CCAR2: variants seen among roughly 807,000 people sequenced by gnomAD.
The protein encoded by CCAR2 is cell cycle and apoptosis regulator 2.
A neutral mutation model predicts 108.1 loss-of-function variants in CCAR2; 21 were observed. The observed-to-expected ratio is 0.19, with a 90% CI of 0.14 to 0.28. The LOEUF (loss-of-function observed/expected upper bound fraction) is 0.28, where lower values mean the gene tolerates loss of function less well. Ranked by LOEUF, CCAR2 falls within the 10% of genes least tolerant of loss-of-function variation. CCAR2 has a pLI of 1.00. For missense variants in CCAR2, 1,126 were observed against 1,177.0 expected, an observed-to-expected ratio of 0.96 and a Z score of 0.63; for synonymous variants, 577 against 472.8, an observed-to-expected ratio of 1.22 and a Z score of -2.86.
At chr8:22,610,964 G>A (rs553365162) in intron 7 of CCAR2, among the ~76,000 whole-genome samples, 12 of 152,136 alleles carry the variant, frequency 7.9e-5, no homozygotes, top group Middle Eastern at 3.4e-3. Flanking sequence ...CACTTATAAC[G>A]TAGTTATAGT....
At chr8:22,605,609 C>G (rs1447518638) in intron 1 of CCAR2, 127 bp from the exon 2 acceptor site, 8 of 631,216 alleles carry the variant, frequency 1.3e-5, no homozygotes, top group Non-Finnish European at 2.0e-5. Context: ...CCATCCATTG[C>G]TTTCATTCAT....
rs114548765 is a variant in CCAR2, at chr8:22,605,603, C to T, written c.-38-133C>T. The T allele has an allele frequency of 7.5e-4, 467 of 621,838 alleles. 1 individual carries two copies. The African/African-American group carries it at 7.7e-3, about 10-fold the overall frequency. 38.5% of individuals were successfully genotyped at this position (621,838 alleles called of 1,614,324 possible). A position where few individuals can be genotyped will look rare whatever the true frequency, so the allele number is the denominator to read the frequency against. On this transcript the variant is annotated intron_variant, in intron 1 of 20. Transcript: ENST00000308511. ...TCTTTCTTCTCTATATTCTCTCCAT[C>T]CATTGCTTTCATTCATTCTTATTAC...
chr8:22,607,948 C>G lies in CCAR2; in HGVS notation c.488-21C>G, dbSNP rs746451042. 1.9e-6 allele frequency: 3 copies of G among 1,610,400 alleles called. No individual in the cohort carries two copies. In the East Asian group the frequency reaches 6.7e-5, roughly 36 times the overall value. ...GCCGGTTTTTAGGGTTTTTGAGTCA[C>G]CAGTCATTTCCTTTCTGCAGCTCTG... On this transcript the variant is annotated intron_variant, in intron 6 of 20. Coordinates refer to ENST00000308511, the MANE Select transcript of CCAR2 (RefSeq NM_001393997.1).
rs773636732 is a variant in CCAR2 at position 22,606,188 on chromosome 8, A to C, written c.150+12A>C. 8.1e-6 allele frequency: 13 copies of C among 1,603,056 alleles called. No homozygotes were observed. Among genetic ancestry groups the C allele is most frequent in the African/African-American group, 4.0e-5 (3 of 74,574 alleles). On this transcript the variant is annotated intron_variant, in intron 3 of 20. Transcript: ENST00000308511. ...CCAGGCACCTTCAGGTAGGTTCGGC[A>C]TCCCTTGTAGTAAGTTTCAGCCCTT...
At chr8:22,616,539 C>T (rs994398243) in intron 14 of CCAR2, 18 of 442,668 alleles carry the variant, frequency 4.1e-5, no homozygotes, top group Admixed American at 1.5e-4. Flanking sequence ...TTTTGTAGGC[C>T]GGGCGCTGTA....
chr8:22,613,253 G>A lies in CCAR2; in HGVS notation c.704+117G>A, dbSNP rs1240738562. ...TTCTTACAGCCTTTTCTTACAAAAC[G>A]AAAAGCACATGGAAACCTGTTGTAC... On this transcript the variant is annotated intron_variant, in intron 8 of 20. Transcript: ENST00000308511. 5.2e-6 allele frequency: 6 copies of A among 1,151,076 alleles called. No homozygotes were observed. In the Admixed American group the frequency reaches 1.5e-4, roughly 30 times the overall value. The allele number at this position is 1,151,076 out of a possible 1,614,324, so 71.3% of individuals were successfully genotyped here.
chr8:22,606,241 T>C (rs1801074506), intron 3 of CCAR2, 65 bp downstream of exon 3: 4 of 1,252,752 alleles, frequency 3.2e-6, no homozygotes, highest in Non-Finnish European at 3.5e-6. Context: ...GGCCTGGTGC[T>C]CTTTTTCTCT....
chr8:22,611,046 A>G (rs1370481380), intron 7 of CCAR2, among the ~76,000 whole-genome samples: 7 of 148,456 alleles, frequency 4.7e-5, no homozygotes, highest in African/African-American at 1.5e-4. Flanking sequence ...AAAATAATAT[A>G]AATACATAAA....
Position 22,606,142 on chromosome 8 carries a change from C to T in CCAR2, c.116C>T (p.Ala39Val). ...CCTGGTTTGCTCACTCCTCCTGTGG[C>T]CACAGAACTGTCCCAGAATGCCAGG... Reference protein sequence around the residue: ...PPPGLLTPPVATELSQNARHL... With the variant: ...PPPGLLTPPVVTELSQNARHL... Residue 39 changes from alanine to valine, a missense_variant, in exon 3 of 21, where the codon GCC (alanine) becomes GTC (valine). By Grantham distance (64) the Ala-to-Val change is moderately conservative. Transcript: ENST00000308511. 2 of 1,614,148 alleles carry T rather than the reference C, an allele frequency of 1.2e-6. No homozygotes were observed. Among genetic ancestry groups the T allele is most frequent in the Non-Finnish European group, 1.7e-6 (2 of 1,179,968 alleles).
At chr8:22,611,404 GTA>G (rs1554559970) in intron 7 of CCAR2, among the ~76,000 whole-genome samples, 133 of 105,302 alleles carry the variant, frequency 1.3e-3, no homozygotes, top group Middle Eastern at 9.4e-3. Context: ...GTGTGTGTGT[GTA>G]TGTGTGTGTA....
At chr8:22,618,591 C>A in intron 17 of CCAR2, 26 bp from the exon 18 acceptor site, 2 of 1,614,048 alleles carry the variant, frequency 1.2e-6, no homozygotes, top group Non-Finnish European at 1.7e-6. Context: ...ACGGGGCCTT[C>A]TGATCAGCAG....
chr8:22,611,854 G>T (rs894363492), intron 7 of CCAR2, among the ~76,000 whole-genome samples: 1 of 151,504 alleles, frequency 6.6e-6, no homozygotes, highest in African/African-American at 2.4e-5. Flanking sequence ...ACTTTCTTGG[G>T]ACAAATTTTC....
intron 20 of CCAR2, 120 bp from the exon 21 acceptor site, chr8:22,619,518 T>G: frequency 7.1e-7 from 1 of 1,417,330 alleles, no homozygotes; most frequent in Middle Eastern, 1.8e-4. Context: ...GCAGGTTCTC[T>G]GGGAATTGAG....
At chr8:22,613,176 G>A (rs757643001) in intron 8 of CCAR2, 40 bp downstream of exon 8, 2 of 1,510,654 alleles carry the variant, frequency 1.3e-6, no homozygotes, top group Non-Finnish European at 8.9e-7. Flanking sequence ...CTTGCTGCTG[G>A]TAATAGTTTC....
chr8:22,617,430 G>A lies in CCAR2; in HGVS notation c.1856G>A (p.Gly619Glu). The A allele has an allele frequency of 6.5e-7, 1 of 1,549,572 alleles. No homozygotes were observed. The highest frequency in any genetic ancestry group is 8.7e-7 in the Non-Finnish European group (1 of 1,151,688). The change falls in exon 15 of 21, where the codon GGG becomes GAG. Residue 619 changes from glycine (G) to glutamate (E), a missense_variant. By Grantham distance (98) the Gly-to-Glu change is moderately conservative (BLOSUM62 -2). Around this residue, in one of 4 missense-constraint regions of CCAR2, gnomAD observed 1,013 missense variants for 993.9 expected, o/e 1.02. Transcript: ENST00000308511. ...TESEAPLKED[G>E]LLPKPLSSGG... ...TGTCTGCCTCTGTAGAAGGAGGATG[G>A]GCTTTTGCCCAAACCACTCTCTTCT...
chr8:22,614,516 G>C lies in CCAR2; in HGVS notation c.1041+13G>C. On this transcript the variant is annotated intron_variant, in intron 10 of 20. Coordinates refer to ENST00000308511, the MANE Select transcript of CCAR2 (RefSeq NM_001393997.1). The stretch of plus-strand genomic sequence containing the variant: ...GAAGCAGATTAAGGTAAGAGCTGGA[G>C]AGCAGGAGGAGATGCATTCACGGGT... 2 of 1,607,058 alleles carry C rather than the reference G, an allele frequency of 1.2e-6. No individual in the cohort carries two copies. Among genetic ancestry groups the C allele is most frequent in the Non-Finnish European group, 1.7e-6 (2 of 1,174,158 alleles).
At chr8:22,617,875 C>T in intron 16 of CCAR2, 97 bp downstream of exon 16, 2 of 1,285,396 alleles carry the variant, frequency 1.6e-6, no homozygotes, top group Non-Finnish European at 2.2e-6. Flanking sequence ...CCAGTGACTT[C>T]CTTTCTTGAT....
At chr8:22,607,893 T>C in intron 6 of CCAR2, 76 bp from the exon 7 acceptor site, 1 of 1,168,516 alleles carries the variant, frequency 8.6e-7, no homozygotes, top group South Asian at 1.3e-5. Flanking sequence ...CTCAAAGTGC[T>C]GGGATTACAG....
At chr8:22,610,896 A>T (rs905231234) in intron 7 of CCAR2, among the ~76,000 whole-genome samples, 3 of 152,160 alleles carry the variant, frequency 2.0e-5, no homozygotes, top group African/African-American at 7.2e-5. Flanking sequence ...CGTTATAATG[A>T]ATGGTCTAAA....
Sources: gnomAD v4.1 joint callset for allele counts (sites outside exome capture counted in the v4.1 genomes callset) on GRCh38, gnomAD v4.1.1 for gene constraint, gnomAD v4.1.1 regional missense constraint, MANE v1.5 for transcripts, NCBI Gene and HGNC (gene_info 2026-07-23, HGNC 2026-07-21) for gene names.